Variants in JADE3 observed in about 807,000 individuals in gnomAD.
The protein encoded by JADE3 is jade family PHD finger 3.
A neutral mutation model predicts 50.1 loss-of-function variants in JADE3; 2 were observed. The ratio of observed to expected loss-of-function variants is 0.04; its 90% confidence interval spans 0.02 to 0.13. The LOEUF is 0.13. Among genes scored for constraint, JADE3 ranks in the 10% least tolerant of loss-of-function variants. JADE3 has a pLI of 1.00. For synonymous variants in JADE3, 218 were observed against 232.9 expected (o/e 0.94, Z 0.58); for missense variants, 475 against 634.4 (o/e 0.75, Z 2.70).
chrX:47,054,242 G>A lies in JADE3; in HGVS notation c.1057G>A (p.Gly353Arg). The A allele has an allele frequency of 8.3e-7, 1 of 1,209,393 alleles. No homozygotes were observed. ...GLEMKTILDE[G>R]DEVKFKSYCL... is the part of the protein sequence containing the mutation. The stretch of plus-strand genomic sequence containing the variant: ...AGAGATGAAGACCATCCTAGATGAG[G>A]GAGACGAAGTGAAGTTCAAGTCATA... Residue 353 changes from glycine (G) to arginine (R), a missense_variant, in exon 9 of 11, where the codon GGA (glycine) becomes AGA (arginine). Physicochemically the swap from Gly to Arg is moderately radical, Grantham distance 125 (BLOSUM62 -2). Around this residue, in one of 6 missense-constraint regions of JADE3, gnomAD observed 81 missense variants for 123.8 expected, o/e 0.65. Coordinates refer to ENST00000614628, the MANE Select transcript of JADE3 (RefSeq NM_014735.5).
Position 46,973,162 on chromosome X carries a change from T to C in JADE3, c.-11-11722T>C, listed in dbSNP as rs986567652. Among the ~76,000 whole-genome samples, 5 of 112,721 alleles carry C rather than the reference T, an allele frequency of 4.4e-5. No individual in the cohort carries two copies. The East Asian group carries it at 1.4e-3, about 31-fold the overall frequency. On this transcript the variant is annotated intron_variant, in intron 1 of 10. Transcript: ENST00000614628. Reference sequence around the variant, plus strand: ...CAAATAATTTGCTAACAAGTCTTTATATTAAAGAGGGTAAGCCTGGTTCCT... The same window carrying C: ...CAAATAATTTGCTAACAAGTCTTTACATTAAAGAGGGTAAGCCTGGTTCCT...
intron 1 of JADE3, among the ~76,000 whole-genome samples, chrX:46,944,238 T>C (rs1926830872): frequency 9.1e-6 from 1 of 110,398 alleles, no homozygotes; most frequent in African/African-American, 3.3e-5. Flanking sequence ...CTGCTAGTTT[T>C]TGGGGTTCTT....
intron 4 of JADE3, among the ~76,000 whole-genome samples, chrX:47,023,791 C>G (rs1556364970): frequency 8.9e-6 from 1 of 112,102 alleles, no homozygotes; most frequent in Non-Finnish European, 1.9e-5. Flanking sequence ...CCTGTAATCC[C>G]AGCTACTGGG....
chrX:46,915,962 G>A (rs1419863872), intron 1 of JADE3, among the ~76,000 whole-genome samples: 1 of 111,565 alleles, frequency 9.0e-6, no homozygotes, highest in Non-Finnish European at 1.9e-5. Context: ...CAAAACCCAG[G>A]AACTATGGCT....
chrX:47,017,973 T>G (rs893102793), intron 4 of JADE3, among the ~76,000 whole-genome samples: 1 of 112,477 alleles, frequency 8.9e-6, no homozygotes, highest in Non-Finnish European at 1.9e-5. Context: ...TCCTTCTAGC[T>G]GTAACTCTGT....
intron 1 of JADE3, among the ~76,000 whole-genome samples, chrX:46,984,045 G>T (rs577561215): frequency 1.8e-5 from 2 of 112,295 alleles, no homozygotes; most frequent in Middle Eastern, 4.6e-3. Flanking sequence ...GTAGCATGTT[G>T]TATGTTGTGG....
intron 7 of JADE3, among the ~76,000 whole-genome samples, chrX:47,035,419 C>A (rs1224278874): frequency 9.0e-6 from 1 of 111,677 alleles, no homozygotes; most frequent in Non-Finnish European, 1.9e-5. Context: ...ATAGTAGTTT[C>A]TTTTTCTCAC....
chrX:46,915,822 G>A (rs1181166500), intron 1 of JADE3, among the ~76,000 whole-genome samples: 2 of 111,189 alleles, frequency 1.8e-5, no homozygotes, highest in Non-Finnish European at 3.8e-5. Context: ...TGAAAAGGAA[G>A]GTGATAAGTC....
intron 7 of JADE3, among the ~76,000 whole-genome samples, chrX:47,038,467 T>C (rs1163716806): frequency 2.7e-5 from 3 of 110,427 alleles, no homozygotes; most frequent in African/African-American, 9.9e-5. Context: ...TTCCCTTTTC[T>C]CCACTCCTCA....
intron 1 of JADE3, among the ~76,000 whole-genome samples, chrX:46,977,850 A>G (rs975715691): frequency 2.7e-5 from 3 of 111,194 alleles, no homozygotes; most frequent in Non-Finnish European, 3.8e-5. Flanking sequence ...TGGGAGGGAG[A>G]CTGGAAGAGT....
intron 1 of JADE3, among the ~76,000 whole-genome samples, chrX:46,921,011 C>T (rs914040885): frequency 1.8e-5 from 2 of 111,971 alleles, no homozygotes; most frequent in East Asian, 5.6e-4. Flanking sequence ...AACTCTTGGT[C>T]TTAAGCAGTC....
intron 1 of JADE3, among the ~76,000 whole-genome samples, chrX:46,976,834 G>A (rs1314131646): frequency 9.1e-6 from 1 of 110,275 alleles, no homozygotes; most frequent in Non-Finnish European, 1.9e-5. Context: ...AGACCTTATT[G>A]GGCCTCTTTC....
In JADE3 at chrX:46,912,526, GGCGGGAGCTGAGGC is replaced by G. The variant is rs1403231558; in HGVS notation, c.-199_-186del. ...ACGGGCCGGGCGGACGAGGGCCGAG[GGCGGGAGCTGAGGC>G]GCGGGGGGCGGCCCCGGCGGGGGGC... On this transcript the variant is annotated 5_prime_UTR_variant, in exon 1 of 11. Transcript: ENST00000614628. The G allele has an allele frequency of 2.7e-5, 3 of 112,158 alleles. No homozygotes were observed. Among genetic ancestry groups the G allele is most frequent in the Non-Finnish European group, 5.7e-5 (3 of 53,039 alleles). 9.2% of individuals were successfully genotyped at this position (112,158 alleles called of 1,213,427 possible).
chrX:46,991,042 T>TCCCC (rs1927981724), intron 3 of JADE3, among the ~76,000 whole-genome samples: 1 of 14,217 alleles, frequency 7.0e-5, no homozygotes, highest in African/African-American at 3.0e-4. Flanking sequence ...CTTTCCTTCC[T>TCCCC]TCCCTCCCTC....
intron 8 of JADE3, among the ~76,000 whole-genome samples, chrX:47,039,431 G>C (rs1556369125): frequency 1.8e-5 from 2 of 108,481 alleles, no homozygotes; most frequent in African/African-American, 6.7e-5. Context: ...TTCAATTTTG[G>C]GGTTACATGT....
In JADE3 at chrX:46,998,256, C is replaced by A. The variant is rs782765097; in HGVS notation, c.263C>A (p.Thr88Asn). The A allele has an allele frequency of 1.7e-6, 2 of 1,208,696 alleles. No individual in the cohort carries two copies. The highest frequency in any genetic ancestry group is 3.5e-5 in the South Asian group (2 of 56,605). ...GTCCAGGTACCAGCCAGTCCAGACACCGTTCCACAGCCTTCTCTCAGGTAT... is the reference window on the plus strand; with the variant it reads ...GTCCAGGTACCAGCCAGTCCAGACAACGTTCCACAGCCTTCTCTCAGGTAT... ...KGVQVPASPD[T>N]VPQPSLRIIA... Residue 88 changes from threonine to asparagine, a missense_variant, in exon 4 of 11, where the codon ACC becomes AAC. By Grantham distance (65) the Thr-to-Asn change is moderately conservative. This residue lies in a region of JADE3 where 54 missense variants were observed against 51.8 expected (regional missense o/e 1.04). Coordinates refer to ENST00000614628, the MANE Select transcript of JADE3 (RefSeq NM_014735.5).
At chrX:47,011,879 A>G (rs999942949) in intron 4 of JADE3, among the ~76,000 whole-genome samples, 4 of 112,151 alleles carry the variant, frequency 3.6e-5, no homozygotes, top group Admixed American at 9.5e-5. Flanking sequence ...AGCCTTTATG[A>G]GGTCAGAAAA....
chrX:47,049,755 C>CTTTTT (rs536912145), intron 8 of JADE3, among the ~76,000 whole-genome samples: 17 of 55,873 alleles, frequency 3.0e-4, no homozygotes, highest in East Asian at 5.7e-4. Flanking sequence ...TCTTCTTCTT[C>CTTTTT]TTTTTTTTTT....
In JADE3 at chrX:46,997,994, G is replaced by A. The variant is rs782503661; in HGVS notation, c.127-126G>A. The A allele has an allele frequency of 2.8e-4, 145 of 515,524 alleles. 1 individual carries two copies. The Middle Eastern group carries it at 4.5e-3, about 16-fold the overall frequency. The allele number at this position is 515,524 out of a possible 1,213,427, so 42.5% of individuals were successfully genotyped here. Reference sequence around the variant, plus strand: ...AAACAGAAGTTGATCTGGCCATTTAGGAAGTTAGAGATGTTTCTCTTGTTG... The same window carrying A: ...AAACAGAAGTTGATCTGGCCATTTAAGAAGTTAGAGATGTTTCTCTTGTTG... On this transcript the variant is annotated intron_variant, in intron 3 of 10. Coordinates refer to ENST00000614628, the MANE Select transcript of JADE3 (RefSeq NM_014735.5).
Sources: allele counts gnomAD v4.1 joint callset (sites outside exome capture counted in the v4.1 genomes callset), GRCh38; gene constraint gnomAD v4.1.1; regional missense constraint gnomAD v4.1.1; transcripts MANE v1.5; gene names NCBI Gene and HGNC (gene_info 2026-07-23, HGNC 2026-07-21).